The following LSG1 variants were observed in gnomAD, a reference collection of about 807,000 sequenced individuals.
LSG1 encodes the protein large subunit GTPase 1 homolog.
A neutral mutation model predicts 82.6 loss-of-function variants in LSG1; 55 were observed. That is an observed-to-expected ratio of 0.67 (90% confidence interval 0.54 to 0.83). The LOEUF (loss-of-function observed/expected upper bound fraction) is 0.83, where lower values mean the gene tolerates loss of function less well. LSG1 is among the 40% of genes least tolerant of loss of function. LSG1 has a pLI of 0.00. For synonymous variants in LSG1, 272 were observed against 282.5 expected (o/e 0.96, Z 0.37); for missense variants, 809 against 807.9 (o/e 1.00, Z -0.02).
In LSG1 at chr3:194,652,896, A is replaced by G. The variant is rs1560223055; in HGVS notation, c.1006T>C (p.Trp336Arg). Residue 336 changes from tryptophan (W) to arginine (R), a missense_variant, in exon 8 of 14, where the codon TGG (tryptophan) becomes CGG (arginine). Trp to Arg is a moderately radical substitution (Grantham distance 101). Transcript: ENST00000265245. Reference sequence around the variant, plus strand: ...GAATCTGCAGTAGAGCTTTCCTTCCAGTCCTGGCTGCAGTCCTCTTCCTTG... The same window carrying G: ...GAATCTGCAGTAGAGCTTTCCTTCCGGTCCTGGCTGCAGTCCTCTTCCTTG... Reference protein sequence around the residue: ...GPKEEDCSQDWKESSTADSEA... With the variant: ...GPKEEDCSQDRKESSTADSEA... 2 of 1,614,106 alleles carry G rather than the reference A, an allele frequency of 1.2e-6. No individual in the cohort carries two copies. Among genetic ancestry groups the G allele is most frequent in the Admixed American group, 1.7e-5 (1 of 60,002 alleles).
chr3:194,644,403 T>TA (rs1211688941), intron 13 of LSG1, among the ~76,000 whole-genome samples, 170 bp downstream of exon 13: 1 of 142,518 alleles, frequency 7.0e-6, no homozygotes, highest in Non-Finnish European at 1.5e-5. Context: ...AATAAATAAA[T>TA]AAATAAATAA....
chr3:194,662,762 C>CA (rs1718960601), intron 5 of LSG1, among the ~76,000 whole-genome samples: 1 of 152,038 alleles, frequency 6.6e-6, no homozygotes, highest in East Asian at 1.9e-4. Flanking sequence ...AAGTCCGTCT[C>CA]AAAAAACAAA....
intron 5 of LSG1, chr3:194,660,667 T>C (rs1718907322): frequency 3.2e-6 from 1 of 309,652 alleles, no homozygotes; most frequent in Non-Finnish European, 6.5e-6. Context: ...AGAAAGCATA[T>C]TTTTGGCAAA....
rs1319215602 is a variant in LSG1, at chr3:194,666,516, C to T, written c.283G>A (p.Glu95Lys). ...AEARTGLLSF[E>K]ESQRIKKLHE... ...AGCTTCTTAATTCTCTGGCTCTCCT[C>T]GAAAGACAGTAGTCCAGTTCTAGCC... is the stretch of plus-strand genomic sequence containing the variant. Residue 95 changes from glutamate to lysine, a missense_variant, in exon 3 of 14, where the codon GAG (glutamate) becomes AAG (lysine). By Grantham distance (56) the Glu-to-Lys change is moderately conservative. Coordinates refer to ENST00000265245, the MANE Select transcript of LSG1 (RefSeq NM_018385.3). The T allele has an allele frequency of 5.0e-6, 8 of 1,613,664 alleles. No individual in the cohort carries two copies. In the East Asian group the frequency reaches 8.9e-5, roughly 18 times the overall value.
chr3:194,646,087 A>C, intron 12 of LSG1, 77 bp downstream of exon 12: 1 of 1,358,816 alleles, frequency 7.4e-7, no homozygotes. Context: ...ATAATCGAAC[A>C]GGTTACCATT....
chr3:194,671,605 T>C (rs1380985844), intron 1 of LSG1, among the ~76,000 whole-genome samples: 1 of 152,238 alleles, frequency 6.6e-6, no homozygotes, highest in Admixed American at 6.5e-5. Context: ...CAATGATTTA[T>C]CTTTGAGCTA....
At chr3:194,642,566 G>A (rs1224714616) in intron 13 of LSG1, among the ~76,000 whole-genome samples, 2 of 151,704 alleles carry the variant, frequency 1.3e-5, no homozygotes, top group Admixed American at 1.3e-4. Context: ...ATTAGAAATG[G>A]ACTCTAAACA....
intron 1 of LSG1, chr3:194,671,815 T>A: frequency 1.9e-6 from 1 of 539,514 alleles, no homozygotes; most frequent in Admixed American, 3.6e-5. Flanking sequence ...GACCTGGCAT[T>A]GAAGACTCTT....
rs1280856638 is a variant in LSG1, at chr3:194,666,263, G to A, written c.374C>T (p.Pro125Leu). 1.9e-6 allele frequency: 3 copies of A among 1,613,942 alleles called. No homozygotes were observed. Among genetic ancestry groups the A allele is most frequent in the Non-Finnish European group, 2.5e-6 (3 of 1,180,018 alleles). The change falls in exon 4 of 14, where the codon CCA becomes CTA. Residue 125 changes from proline to leucine, a missense_variant. By Grantham distance (98) the Pro-to-Leu change is moderately conservative. Transcript: ENST00000265245. Reference sequence around the variant, plus strand: ...TTTCTCTGCTTGTTTGAGTTCTTCTGGGGTAGTATTTTGGTTCCAGTTTGG... The same window carrying A: ...TTTCTCTGCTTGTTTGAGTTCTTCTAGGGTAGTATTTTGGTTCCAGTTTGG... The part of the protein sequence containing the change: ...RRPNWNQNTT[P>L]EELKQAEKDN...
chr3:194,649,050 A>C, intron 10 of LSG1: 1 of 365,318 alleles, frequency 2.7e-6, no homozygotes, highest in Non-Finnish European at 4.9e-6. Flanking sequence ...ATATATCTGA[A>C]ACAGACTTTA....
chr3:194,665,504 G>A (rs1254594818), intron 5 of LSG1, 53 bp downstream of exon 5: 14 of 1,346,584 alleles, frequency 1.0e-5, no homozygotes, highest in Middle Eastern at 3.6e-4. Context: ...CAGCCAAATC[G>A]AATATAACTT....
At chr3:194,667,784 G>A (rs1038240503) in intron 2 of LSG1, among the ~76,000 whole-genome samples, 2 of 151,044 alleles carry the variant, frequency 1.3e-5, no homozygotes, top group Admixed American at 1.3e-4. Flanking sequence ...TTAGCCAGGG[G>A]TGGTGGTGCA....
At chr3:194,661,929 A>C (rs1718939078) in intron 5 of LSG1, among the ~76,000 whole-genome samples, 1 of 152,204 alleles carries the variant, frequency 6.6e-6, no homozygotes, top group Non-Finnish European at 1.5e-5. Flanking sequence ...TTAGGGACAT[A>C]AACAGTGTAA....
At chr3:194,665,198 C>T (rs1215853782) in intron 5 of LSG1, among the ~76,000 whole-genome samples, 1 of 152,186 alleles carries the variant, frequency 6.6e-6, no homozygotes, top group Non-Finnish European at 1.5e-5. Context: ...CTCTGACATT[C>T]GCCTCTCCCC....
intron 11 of LSG1, among the ~76,000 whole-genome samples, chr3:194,647,632 C>T (rs891809939): frequency 6.6e-6 from 1 of 152,212 alleles, no homozygotes; most frequent in Admixed American, 6.5e-5. Context: ...GATGAAACAT[C>T]TTAAAAGACT....
chr3:194,653,418 A>G (rs9836661), intron 7 of LSG1, among the ~76,000 whole-genome samples: 97,945 of 151,646 alleles, frequency 0.65, 33,001 homozygotes, highest in East Asian at 0.88. Flanking sequence ...GGGAGGCTGA[A>G]GCAGGAGAAC....
intron 8 of LSG1, among the ~76,000 whole-genome samples, chr3:194,651,802 GAA>G (rs1468800143): frequency 3.9e-5 from 6 of 152,178 alleles, no homozygotes; most frequent in Admixed American, 2.6e-4. Context: ...TATAGAGAAT[GAA>G]GCTTTAAAGC....
chr3:194,670,271 T>A (rs907272589), intron 1 of LSG1, 136 bp from the exon 2 acceptor site: 9 of 738,112 alleles, frequency 1.2e-5, no homozygotes, highest in Middle Eastern at 7.9e-4. Flanking sequence ...CTACTTATAG[T>A]TAATGTTTAA....
intron 8 of LSG1, among the ~76,000 whole-genome samples, chr3:194,652,160 G>A (rs760004247): frequency 2.0e-5 from 3 of 152,184 alleles, no homozygotes; most frequent in Non-Finnish European, 2.9e-5. Flanking sequence ...AGCTAAGGAT[G>A]GGGCCATCTA....
Sources: gnomAD v4.1 joint callset for allele counts (sites outside exome capture counted in the v4.1 genomes callset) on GRCh38, gnomAD v4.1.1 for gene constraint, MANE v1.5 for transcripts, NCBI Gene and HGNC (gene_info 2026-07-23, HGNC 2026-07-21) for gene names.